Variants in TRIM48 observed in about 807,000 individuals in gnomAD.
The protein encoded by TRIM48 is E3 ubiquitin-protein ligase TRIM48.
In TRIM48, 31 loss-of-function variants were observed where a neutral mutation model predicts 29.5. The ratio of observed to expected loss-of-function variants is 1.05; its 90% CI spans 0.79 to 1.42. The LOEUF is 1.42. TRIM48 is among the 40% of genes most tolerant of loss of function. The pLI is 0.00. For synonymous variants in TRIM48, 128 were observed against 90.6 expected, an observed-to-expected ratio of 1.41 and a Z score of -2.34; for missense variants, 344 against 265.0, an observed-to-expected ratio of 1.30 and a Z score of -2.07.
Position 55,270,535 on chromosome 11 carries a change from C to G in TRIM48, c.*100C>G. ...TGGATGTGACCGTCAAAATCCGCCC[C>G]ATATCACTGCAACACCTACAAGTTT... On this transcript the variant is annotated 3_prime_UTR_variant, in exon 6 of 6. Coordinates refer to ENST00000417545, the MANE Select transcript of TRIM48 (RefSeq NM_024114.5). The G allele has an allele frequency of 6.3e-7, 1 of 1,582,294 alleles. No homozygotes were observed. The highest frequency in any genetic ancestry group is 8.6e-7 in the Non-Finnish European group (1 of 1,165,374).
At chr11:55,263,100 G>A (rs750880534) in intron 1 of TRIM48, among the ~76,000 whole-genome samples, 1 of 152,098 alleles carries the variant, frequency 6.6e-6, no homozygotes, top group Non-Finnish European at 1.5e-5. Context: ...ATACATTCAT[G>A]AGCCATTTCA....
Position 55,262,263 on chromosome 11 carries a change from G to A in TRIM48, c.-5G>A. On this transcript the variant is annotated 5_prime_UTR_variant, in exon 1 of 6. Transcript: ENST00000417545. ...TCCTGACCTTGAGGAGTACTTAACA[G>A]AATTATGTCTCGAAGAATCATTGTG... is the stretch of plus-strand genomic sequence containing the variant. 6.5e-7 allele frequency: 1 copy of A among 1,548,808 alleles called. No homozygotes were observed. The highest frequency in any genetic ancestry group is 8.7e-7 in the Non-Finnish European group (1 of 1,146,284).
chr11:55,265,037 A>G lies in TRIM48; in HGVS notation c.182A>G (p.Asp61Gly). The change falls in exon 2 of 6, where the codon GAC becomes GGC. Residue 61 changes from aspartate (D) to glycine (G), a missense_variant. By Grantham distance (94) the Asp-to-Gly change is moderately conservative (BLOSUM62 -1). Coordinates refer to ENST00000417545, the MANE Select transcript of TRIM48 (RefSeq NM_024114.5). The part of the protein sequence containing the change: ...CRPCFYLNWQ[D>G]IPILTQCFEC... The stretch of plus-strand genomic sequence containing the variant: ...CCCTGTTTCTACCTCAACTGGCAAG[A>G]CATCCCAATTCTTACTCAGTGCTTT... The G allele has an allele frequency of 6.3e-7, 1 of 1,584,252 alleles. No individual in the cohort carries two copies. The highest frequency in any genetic ancestry group is 8.6e-7 in the Non-Finnish European group (1 of 1,166,274).
intron 5 of TRIM48, among the ~76,000 whole-genome samples, chr11:55,270,194 T>A (rs1161007187): frequency 6.7e-6 from 1 of 148,182 alleles, no homozygotes; most frequent in Non-Finnish European, 1.5e-5. Context: ...TGGTCTTACA[T>A]TTGGCTGTCA....
intron 5 of TRIM48, among the ~76,000 whole-genome samples, chr11:55,269,921 G>A (rs1229246241): frequency 2.7e-5 from 4 of 147,804 alleles, no homozygotes; most frequent in Non-Finnish European, 4.5e-5. Context: ...TCAGCCCCAA[G>A]CTAACATGGA....
chr11:55,265,003 T>G lies in TRIM48; in HGVS notation c.148T>G (p.Phe50Val). ...DPVTIDCGHS[F>V]CRPCFYLNWQ... ...GGTCACCATAGACTGTGGGCACAGC[T>G]TTTGCAGGCCCTGTTTCTACCTCAA... Residue 50 changes from phenylalanine to valine, a missense_variant, in exon 2 of 6, where the codon TTT becomes GTT. Transcript: ENST00000417545. 1.9e-6 allele frequency: 3 copies of G among 1,584,694 alleles called. No individual in the cohort carries two copies. The highest frequency in any genetic ancestry group is 2.6e-6 in the Non-Finnish European group (3 of 1,166,418).
chr11:55,270,947 A>C lies in TRIM48; in HGVS notation c.*512A>C, dbSNP rs1857476647. On this transcript the variant is annotated 3_prime_UTR_variant, in exon 6 of 6. Transcript: ENST00000417545. ...TGTATTCTCCTCTGACCAGAGACAA[A>C]TCAGAAATGTGTTCATCTGCTGTGG... 17 of 1,555,664 alleles carry C rather than the reference A, an allele frequency of 1.1e-5. 3 individuals carry two copies. The highest frequency in any genetic ancestry group is 1.5e-5 in the Non-Finnish European group (17 of 1,146,458).
chr11:55,265,591 C>G lies in TRIM48; in HGVS notation c.460-9C>G, dbSNP rs767541027. The G allele has an allele frequency of 1.9e-6, 3 of 1,579,156 alleles. 1 individual carries two copies. The highest frequency in any genetic ancestry group is 2.4e-5 in the South Asian group (2 of 83,500). ...TTCACTGGTGCTTCAATTTATGGCT[C>G]TTTTGCAGGAGAAGCTTTTAAAGAA... On this transcript the variant is annotated splice_polypyrimidine_tract_variant and intron_variant, in intron 2 of 5. Transcript: ENST00000417545.
At position 55,265,264 on chromosome 11, in the gene TRIM48, C is replaced by T. The variant is rs1857373367; in HGVS notation, c.409C>T (p.His137Tyr). ...LCLLCSSSQE[H>Y]RYHRHCPAEW... is the part of the protein sequence containing the mutation. ...TTTGCTGTGCTCCAGCTCTCAGGAGCACCGGTATCACAGACACTGTCCCGC... is the reference window on the plus strand; with the variant it reads ...TTTGCTGTGCTCCAGCTCTCAGGAGTACCGGTATCACAGACACTGTCCCGC... Residue 137 changes from histidine to tyrosine, a missense_variant, in exon 2 of 6, where the codon CAC becomes TAC. Coordinates refer to ENST00000417545, the MANE Select transcript of TRIM48 (RefSeq NM_024114.5). 3.2e-6 allele frequency: 5 copies of T among 1,582,360 alleles called. 1 individual carries two copies. In the East Asian group the frequency reaches 1.2e-4, roughly 38 times the overall value.
chr11:55,269,453 G>T, intron 5 of TRIM48, 114 bp downstream of exon 5: 1 of 1,349,630 alleles, frequency 7.4e-7, no homozygotes, highest in Non-Finnish European at 1.0e-6. Context: ...AAGCATAAGA[G>T]AACAATATAA....
intron 1 of TRIM48, 31 bp from the exon 2 acceptor site, chr11:55,264,869 C>T (rs1020439322): frequency 7.6e-6 from 12 of 1,582,392 alleles, no homozygotes; most frequent in Non-Finnish European, 1.0e-5. Flanking sequence ...AACCCAGACC[C>T]CAAAATGACA....
intron 3 of TRIM48, among the ~76,000 whole-genome samples, chr11:55,265,993 T>C (rs1037374765): frequency 2.7e-5 from 4 of 147,430 alleles, no homozygotes; most frequent in African/African-American, 9.9e-5. Flanking sequence ...ATTCTATATG[T>C]GCTGGTTGGA....
intron 1 of TRIM48, among the ~76,000 whole-genome samples, chr11:55,263,928 G>C (rs950455411): frequency 8.5e-5 from 13 of 152,070 alleles, no homozygotes; most frequent in African/African-American, 3.1e-4. Flanking sequence ...CCTTTTATCT[G>C]AGCTACAAGC....
chr11:55,269,843 C>T (rs774534152), intron 5 of TRIM48, among the ~76,000 whole-genome samples: 1 of 147,308 alleles, frequency 6.8e-6, no homozygotes, highest in Non-Finnish European at 1.5e-5. Flanking sequence ...ACAAGTAAAA[C>T]ATCAAACAAA....
rs777250322 is a variant in TRIM48 at position 55,269,053 on chromosome 11, A to T, written c.579-189A>T. Among the ~76,000 whole-genome samples the T allele has an allele frequency of 8.3e-4, 124 of 148,630 alleles. 5 individuals are homozygous for T. Among genetic ancestry groups the T allele is most frequent in the Non-Finnish European group, 1.3e-3 (90 of 67,114 alleles). On this transcript the variant is annotated intron_variant, in intron 4 of 5. Coordinates refer to ENST00000417545, the MANE Select transcript of TRIM48 (RefSeq NM_024114.5). ...GAAACATCAGACTGAATTCTGACTC[A>T]GACTCTCCCACTATGCTTTAAAATT... is the stretch of plus-strand genomic sequence containing the variant.
At chr11:55,269,168 T>A in intron 4 of TRIM48, 74 bp from the exon 5 acceptor site, 1 of 1,508,376 alleles carries the variant, frequency 6.6e-7, no homozygotes, top group Non-Finnish European at 8.9e-7. Flanking sequence ...TCATGAAATG[T>A]CTTTTAAACA....
At position 55,265,248 on chromosome 11, in the gene TRIM48, C is replaced by A. The variant is rs938166367; in HGVS notation, c.393C>A (p.Cys131Ter). The A allele has an allele frequency of 1.3e-6, 2 of 1,582,376 alleles. 1 individual carries two copies. The highest frequency in any genetic ancestry group is 2.7e-5 in the African/African-American group (2 of 73,492). The part of the protein sequence containing the change: ...EVDRSLLCLL[C>*]SSSQEHRYHR... ...ACAGGAGCCTGCTCTGTTTGCTGTG[C>A]TCCAGCTCTCAGGAGCACCGGTATC... Residue 131 changes from cysteine (C) to a stop codon, truncating the protein, a stop_gained, in exon 2 of 6, where the codon TGC becomes TGA. Coordinates refer to ENST00000417545, the MANE Select transcript of TRIM48 (RefSeq NM_024114.5). LOFTEE classifies it high-confidence loss of function.
chr11:55,268,288 G>A lies in TRIM48; in HGVS notation c.556-62G>A, dbSNP rs1483834479. ...AGGAACTGACTCCAAATTTCACACTGAACTTAATGAAAGATGCATCTTGTG... is the reference window on the plus strand; with the variant it reads ...AGGAACTGACTCCAAATTTCACACTAAACTTAATGAAAGATGCATCTTGTG... On this transcript the variant is annotated intron_variant, in intron 3 of 5. Coordinates refer to ENST00000417545, the MANE Select transcript of TRIM48 (RefSeq NM_024114.5). 5 of 1,378,274 alleles carry A rather than the reference G, an allele frequency of 3.6e-6. No homozygotes were observed. The Admixed American group carries it at 8.9e-5, about 24-fold the overall frequency. The allele number at this position is 1,378,274 out of a possible 1,614,324, so 85.4% of individuals were successfully genotyped here. A position where few individuals can be genotyped will look rare whatever the true frequency, so the allele number is the denominator to read the frequency against.
rs758302669 is a variant in TRIM48, at chr11:55,265,675, A to G, written c.535A>G (p.Thr179Ala). Residue 179 changes from threonine to alanine, a missense_variant, in exon 3 of 6, where the codon ACC (threonine) becomes GCC (alanine). Thr to Ala is a moderately conservative substitution (Grantham distance 58). Transcript: ENST00000417545. ...ENQRNLNVET[T>A]RISHWKAFGD... ...TCAGAGAAACCTGAATGTGGAAACC[A>G]CCAGAATCAGCCACTGGAAGGTTAG... 3 of 1,581,182 alleles carry G rather than the reference A, an allele frequency of 1.9e-6. No homozygotes were observed. The highest frequency in any genetic ancestry group is 1.2e-5 in the South Asian group (1 of 83,514).
Sources: allele counts gnomAD v4.1 joint callset (sites outside exome capture counted in the v4.1 genomes callset), GRCh38; gene constraint gnomAD v4.1.1; transcripts MANE v1.5; gene names NCBI Gene and HGNC (gene_info 2026-07-23, HGNC 2026-07-21).